The following PHETA1 variants were observed in gnomAD, a reference collection of about 807,000 sequenced individuals.
The protein encoded by PHETA1 is PH domain containing endocytic trafficking adaptor 1.
For synonymous variants in PHETA1, 155 were observed against 168.9 expected (o/e 0.92, Z 0.64); for missense variants, 348 against 373.5 (o/e 0.93, Z 0.56).
At position 111,363,203 on chromosome 12, in the gene PHETA1, C is replaced by T; in HGVS notation, c.225G>A (p.Glu75=). The part of the protein sequence containing the change: ...GCTVELVEAA[E]EFAFAVRFAG... ...CAAAGCGCACAGCGAAGGCGAACTC[C>T]TCGGCGGCCTCCACCAGCTCCACAG... Residue 75 remains glutamate, a synonymous_variant, in exon 3 of 3, where the codon GAG becomes GAA. Transcript: ENST00000683047. This position sits in a 1 kb window ranked among gnomAD's most constrained non-coding sequence, Gnocchi z 7.4. The T allele has an allele frequency of 6.2e-7, 1 of 1,613,086 alleles. No homozygotes were observed. The highest frequency in any genetic ancestry group is 8.5e-7 in the Non-Finnish European group (1 of 1,179,908).
rs1388581849 is a variant in PHETA1 at position 111,368,352 on chromosome 12, G to A, written c.-182+560C>T. ...ACATCAACGAAAAGAAGCCAGTACCGCAGGTCCTGGGGTTGAATCCAGCTG... is the reference window on the plus strand; with the variant it reads ...ACATCAACGAAAAGAAGCCAGTACCACAGGTCCTGGGGTTGAATCCAGCTG... On this transcript the variant is annotated intron_variant, in intron 1 of 2. Coordinates refer to ENST00000683047, the MANE Select transcript of PHETA1 (RefSeq NM_144671.6). The surrounding 1 kb of genome is among the most constrained non-coding windows in gnomAD (Gnocchi z 5.0). Among the ~76,000 whole-genome samples, 2 of 152,184 alleles carry A rather than the reference G, an allele frequency of 1.3e-5. No individual in the cohort carries two copies. Among genetic ancestry groups the A allele is most frequent in the African/African-American group, 2.4e-5 (1 of 41,436 alleles).
rs770878055 is a variant in PHETA1 at position 111,363,206 on chromosome 12, G to A, written c.222C>T (p.Ala74=). 9 of 1,612,928 alleles carry A rather than the reference G, an allele frequency of 5.6e-6. No homozygotes were observed. Among genetic ancestry groups the A allele is most frequent in the Admixed American group, 1.7e-5 (1 of 59,982 alleles). ...EGCTVELVEA[A]EEFAFAVRFA... is the part of the protein sequence containing the mutation. ...AGCGCACAGCGAAGGCGAACTCCTC[G>A]GCGGCCTCCACCAGCTCCACAGTGC... The change falls in exon 3 of 3, where the codon GCC becomes GCT. Residue 74 remains alanine (A), a synonymous_variant. Coordinates refer to ENST00000683047, the MANE Select transcript of PHETA1 (RefSeq NM_144671.6). The surrounding 1 kb of genome is among the most constrained non-coding windows in gnomAD (Gnocchi z 7.4).
In PHETA1 at chr12:111,363,328, AG is replaced by A. The variant is rs1868814608; in HGVS notation, c.99del (p.Tyr34ThrfsTer269). The part of the protein sequence containing the change: ...FLYKKGGRHA[A>X]YHRRWFVLRG... ...CGCAGCACGAACCAGCGCCGGTGGT[AG>A]GCCGCGTGCCGCCCACCCTTCTTGT... On this transcript the variant is annotated frameshift_variant, in exon 3 of 3. Coordinates refer to ENST00000683047, the MANE Select transcript of PHETA1 (RefSeq NM_144671.6). LOFTEE classifies it low-confidence loss of function (END_TRUNC). This position sits in a 1 kb window ranked among gnomAD's most constrained non-coding sequence, Gnocchi z 7.4. 1 of 1,612,980 alleles carries A rather than the reference AG, an allele frequency of 6.2e-7. No individual in the cohort carries two copies. The highest frequency in any genetic ancestry group is 1.3e-5 in the African/African-American group (1 of 74,928).
Position 111,367,036 on chromosome 12 carries a change from A to G in PHETA1, c.-181-779T>C, listed in dbSNP as rs1432765655. On this transcript the variant is annotated intron_variant, in intron 1 of 2. Coordinates refer to ENST00000683047, the MANE Select transcript of PHETA1 (RefSeq NM_144671.6). The surrounding 1 kb of genome is among the most constrained non-coding windows in gnomAD (Gnocchi z 4.0). The stretch of plus-strand genomic sequence containing the variant: ...ATTCTGTCTCAAAAAAAAAAAAAAA[A>G]AAATCCAAGCCTCCCTTGGCTTCCA... Among the ~76,000 whole-genome samples, 226 of 151,894 alleles carry G rather than the reference A, an allele frequency of 1.5e-3. No homozygotes were observed. The highest frequency in any genetic ancestry group is 1.8e-4 in the Non-Finnish European group (12 of 67,914).
At chr12:111,364,223 TGTAATCCCAGCTACTC>T (rs1409760973) in intron 2 of PHETA1, among the ~76,000 whole-genome samples, 1 of 151,574 alleles carries the variant, frequency 6.6e-6, no homozygotes, top group Non-Finnish European at 1.5e-5. Flanking sequence ...GGCGGGCGCC[TGTAATCCCAGCTACTC>T]GGGAGGCTGA....
At chr12:111,364,346 CA>C (rs79244548) in intron 2 of PHETA1, among the ~76,000 whole-genome samples, 2,377 of 109,080 alleles carry the variant, frequency 0.022, 47 homozygotes, top group African/African-American at 0.064. Flanking sequence ...CACTCTGTCT[CA>C]AAAAAAAAAA....
chr12:111,363,292 G>C lies in PHETA1; in HGVS notation c.136C>G (p.Leu46Val), dbSNP rs768179932. ...CTGGCAGCGTCCTCGAAGTAGAAGAGCATGTTCCCGCGCAGCACGAACCAG... is the reference window on the plus strand; with the variant it reads ...CTGGCAGCGTCCTCGAAGTAGAAGACCATGTTCCCGCGCAGCACGAACCAG... ...RRWFVLRGNM[L>V]FYFEDAASRE... The change falls in exon 3 of 3, where the codon CTC becomes GTC. Residue 46 changes from leucine (L) to valine (V), a missense_variant. Coordinates refer to ENST00000683047, the MANE Select transcript of PHETA1 (RefSeq NM_144671.6). This position sits in a 1 kb window ranked among gnomAD's most constrained non-coding sequence, Gnocchi z 7.4. 1.9e-6 allele frequency: 3 copies of C among 1,613,166 alleles called. No homozygotes were observed. The highest frequency in any genetic ancestry group is 2.5e-6 in the Non-Finnish European group (3 of 1,179,932).
At position 111,363,817 on chromosome 12, in the gene PHETA1, G is replaced by A. The variant is rs1355908670; in HGVS notation, c.-36-354C>T. On this transcript the variant is annotated intron_variant, in intron 2 of 2. Transcript: ENST00000683047. This position sits in a 1 kb window ranked among gnomAD's most constrained non-coding sequence, Gnocchi z 7.4. ...GGCCTGGCACCAGTGCAACAGATGAGGAAACAGAGGCACAGAGAGGTTAAC... is the reference window on the plus strand; with the variant it reads ...GGCCTGGCACCAGTGCAACAGATGAAGAAACAGAGGCACAGAGAGGTTAAC... 2 of 1,166,298 alleles carry A rather than the reference G, an allele frequency of 1.7e-6. No individual in the cohort carries two copies. Among genetic ancestry groups the A allele is most frequent in the African/African-American group, 1.6e-5 (1 of 63,968 alleles). The allele number at this position is 1,166,298 out of a possible 1,614,324, so 72.2% of individuals were successfully genotyped here.
intron 2 of PHETA1, among the ~76,000 whole-genome samples, chr12:111,364,389 G>A (rs1470234312): frequency 1.8e-4 from 27 of 151,930 alleles, no homozygotes; most frequent in Admixed American, 1.7e-3. Context: ...CCCTCGTGGT[G>A]TTGAAATGCC....
In PHETA1 at chr12:111,361,445, T is replaced by G; in HGVS notation, c.*1233A>C. The G allele has an allele frequency of 6.2e-6, 1 of 160,106 alleles. No individual in the cohort carries two copies. Among genetic ancestry groups the G allele is most frequent in the Non-Finnish European group, 1.4e-5 (1 of 72,582 alleles). 9.9% of individuals were successfully genotyped at this position (160,106 alleles called of 1,614,324 possible). On this transcript the variant is annotated 3_prime_UTR_variant, in exon 3 of 3. Transcript: ENST00000683047. ...GCGTTTGGGAAAATCAAGGTCAGGGTGGAGGTGTCCTCAGGGGGCCACCGG... is the reference window on the plus strand; with the variant it reads ...GCGTTTGGGAAAATCAAGGTCAGGGGGGAGGTGTCCTCAGGGGGCCACCGG...
Position 111,362,611 on chromosome 12 carries a change from T to G in PHETA1, c.*67A>C. 7 of 1,545,460 alleles carry G rather than the reference T, an allele frequency of 4.5e-6. No homozygotes were observed. The highest frequency in any genetic ancestry group is 6.1e-6 in the Non-Finnish European group (7 of 1,146,694). On this transcript the variant is annotated 3_prime_UTR_variant, in exon 3 of 3. Coordinates refer to ENST00000683047, the MANE Select transcript of PHETA1 (RefSeq NM_144671.6). ...CCTCAGGATCTGCTCCCCCAGTCTC[T>G]CCAGGACCCGGCCTGTCCCAGAGGG...
Position 111,362,828 on chromosome 12 carries a change from T to A in PHETA1, c.600A>T (p.Gly200=). 5.2e-6 allele frequency: 8 copies of A among 1,538,690 alleles called. No homozygotes were observed. The South Asian group carries it at 9.5e-5, about 18-fold the overall frequency. ...GAGGCGGTGGTGGAGGGGGCTCGGG[T>A]CCAGGCCTGAAGGTGGCCTCAGTGC... ...VWSTEATFRP[G]PEPPPPPPRR... The change falls in exon 3 of 3, where the codon GGA becomes GGT. Residue 200 remains glycine (G), a synonymous_variant. Transcript: ENST00000683047.
chr12:111,362,901 C>A lies in PHETA1; in HGVS notation c.527G>T (p.Arg176Leu). 1 of 1,289,068 alleles carries A rather than the reference C, an allele frequency of 7.8e-7. No individual in the cohort carries two copies. Among genetic ancestry groups the A allele is most frequent in the Non-Finnish European group, 1.0e-6 (1 of 998,870 alleles). The allele number at this position is 1,289,068 out of a possible 1,614,324, so 79.9% of individuals were successfully genotyped here. The change falls in exon 3 of 3, where the codon CGC (arginine) becomes CTC (leucine). Residue 176 changes from arginine to leucine, a missense_variant. Physicochemically the swap from Arg to Leu is moderately radical, Grantham distance 102. Transcript: ENST00000683047. The part of the protein sequence containing the change: ...PAPVPALPLP[R>L]RPSALPPKEN... The stretch of plus-strand genomic sequence containing the variant: ...CTTGGGCGGGAGGGCACTGGGCCGG[C>A]GGGGCAGGGGCAGGGCTGGGACCGG...
rs1164313540 is a variant in PHETA1, at chr12:111,362,501, ACTCAGAATCCAGCACCTT to A, written c.*159_*176del. The A allele has an allele frequency of 2.0e-6, 3 of 1,470,882 alleles. No homozygotes were observed. The South Asian group carries it at 4.0e-5, about 19-fold the overall frequency. 91.1% of individuals were successfully genotyped at this position (1,470,882 alleles called of 1,614,324 possible). ...CTGGGTCACATGGTCCTAAAGGCCC[ACTCAGAATCCAGCACCTT>A]CTCAGAGCCTGCATCCCCCAAAACC... On this transcript the variant is annotated 3_prime_UTR_variant, in exon 3 of 3. Coordinates refer to ENST00000683047, the MANE Select transcript of PHETA1 (RefSeq NM_144671.6).
In PHETA1 at chr12:111,362,110, C is replaced by T; in HGVS notation, c.*568G>A. On this transcript the variant is annotated 3_prime_UTR_variant, in exon 3 of 3. Coordinates refer to ENST00000683047, the MANE Select transcript of PHETA1 (RefSeq NM_144671.6). Reference sequence around the variant, plus strand: ...TGCACTAACACCTGCACCTGTGTCCCCAGTCACTACCCTCCCAGCCACCGT... The same window carrying T: ...TGCACTAACACCTGCACCTGTGTCCTCAGTCACTACCCTCCCAGCCACCGT... 1 of 419,064 alleles carries T rather than the reference C, an allele frequency of 2.4e-6. No homozygotes were observed. The highest frequency in any genetic ancestry group is 4.8e-6 in the Non-Finnish European group (1 of 207,890). The allele number at this position is 419,064 out of a possible 1,614,324, so 26.0% of individuals were successfully genotyped here.
In PHETA1 at chr12:111,361,762, G is replaced by A. The variant is rs955069833; in HGVS notation, c.*916C>T. On this transcript the variant is annotated 3_prime_UTR_variant, in exon 3 of 3. Coordinates refer to ENST00000683047, the MANE Select transcript of PHETA1 (RefSeq NM_144671.6). Reference sequence around the variant, plus strand: ...GGTCAGCACCTGGGCCTTCCTAGGCGGTGAGTCAGCTGGTGGCCTCCCCTC... The same window carrying A: ...GGTCAGCACCTGGGCCTTCCTAGGCAGTGAGTCAGCTGGTGGCCTCCCCTC... 2.3e-5 allele frequency: 9 copies of A among 388,644 alleles called. No homozygotes were observed. The highest frequency in any genetic ancestry group is 8.4e-5 in the African/African-American group (4 of 47,750). The allele number at this position is 388,644 out of a possible 1,614,324, so 24.1% of individuals were successfully genotyped here.
chr12:111,363,209 G>A lies in PHETA1; in HGVS notation c.219C>T (p.Ala73=), dbSNP rs759402478. The A allele has an allele frequency of 2.4e-5, 38 of 1,612,976 alleles. No individual in the cohort carries two copies. Among genetic ancestry groups the A allele is most frequent in the African/African-American group, 2.0e-4 (15 of 74,944 alleles). The change falls in exon 3 of 3, where the codon GCC becomes GCT. Residue 73 remains alanine, a synonymous_variant. Transcript: ENST00000683047. This position sits in a 1 kb window ranked among gnomAD's most constrained non-coding sequence, Gnocchi z 7.4. ...GCACAGCGAAGGCGAACTCCTCGGC[G>A]GCCTCCACCAGCTCCACAGTGCAGC... ...LEGCTVELVE[A]AEEFAFAVRF...
rs557208374 is a variant in PHETA1, at chr12:111,360,913, C to T, written c.*1765G>A. The T allele has an allele frequency of 6.5e-6, 1 of 152,718 alleles. No individual in the cohort carries two copies. Among genetic ancestry groups the T allele is most frequent in the African/African-American group, 2.4e-5 (1 of 41,426 alleles). The allele number at this position is 152,718 out of a possible 1,614,324, so 9.5% of individuals were successfully genotyped here. A position where few individuals can be genotyped will look rare whatever the true frequency, so the allele number is the denominator to read the frequency against. On this transcript the variant is annotated 3_prime_UTR_variant, in exon 3 of 3. Transcript: ENST00000683047. ...GCTGAGTCTGCCAGGACACGGGGCT[C>T]TGGGAAGCTCTGAACCCCTCCCATG...
In PHETA1 at chr12:111,367,164, C is replaced by G. The variant is rs899032696; in HGVS notation, c.-181-907G>C. On this transcript the variant is annotated intron_variant, in intron 1 of 2. Coordinates refer to ENST00000683047, the MANE Select transcript of PHETA1 (RefSeq NM_144671.6). This position sits in a 1 kb window ranked among gnomAD's most constrained non-coding sequence, Gnocchi z 4.0. Reference sequence around the variant, plus strand: ...ACCAGACACATCCCCACCTCCAAGACTTGGTCCCGGCTGTCTGCCTGCAGG... The same window carrying G: ...ACCAGACACATCCCCACCTCCAAGAGTTGGTCCCGGCTGTCTGCCTGCAGG... Among the ~76,000 whole-genome samples, 1 of 152,144 alleles carries G rather than the reference C, an allele frequency of 6.6e-6. No individual in the cohort carries two copies. The highest frequency in any genetic ancestry group is 1.5e-5 in the Non-Finnish European group (1 of 68,008).
Sources: gnomAD v4.1 joint callset for allele counts (sites outside exome capture counted in the v4.1 genomes callset) on GRCh38, gnomAD v4.1.1 for gene constraint, Gnocchi (gnomAD v3.1) non-coding constraint, MANE v1.5 for transcripts, NCBI Gene and HGNC (gene_info 2026-07-23, HGNC 2026-07-21) for gene names.